PLAGL1: variants seen among roughly 807,000 people sequenced by gnomAD.
PLAGL1 encodes zinc finger protein PLAGL1.
Under a neutral mutation model 4.6 loss-of-function variants are expected in PLAGL1, and 1 was observed. That is an observed-to-expected ratio of 0.22 (90% CI 0.08 to 1.03). The LOEUF (loss-of-function observed/expected upper bound fraction) is 1.03. PLAGL1 is among the 50% of genes least tolerant of loss of function. The pLI, the probability that PLAGL1 is intolerant of heterozygous loss-of-function variation, is 0.58. For synonymous variants in PLAGL1, 240 were observed against 237.8 expected (o/e 1.01, Z -0.08); for missense variants, 464 against 570.4 (o/e 0.81, Z 1.90).
At chr6:144,023,407 C>A (rs1394029292) in intron 1 of PLAGL1, among the ~76,000 whole-genome samples, 1 of 151,984 alleles carries the variant, frequency 6.6e-6, no homozygotes, top group Non-Finnish European at 1.5e-5. Flanking sequence ...GGATGGAATG[C>A]AGACAGCGAC....
At chr6:144,014,619 G>A (rs529205264) in intron 1 of PLAGL1, among the ~76,000 whole-genome samples, 4 of 152,080 alleles carry the variant, frequency 2.6e-5, no homozygotes, top group East Asian at 3.9e-4. Context: ...TGGCTCTGTC[G>A]CCCAGGCTGG....
rs1357018862 is a variant in PLAGL1 at position 143,997,221 on chromosome 6, C to T, written c.-584+10869G>A. The stretch of plus-strand genomic sequence containing the variant: ...ACTCTATTGCTAGCAAAAGTGTACA[C>T]ATATGCATTCAGTTTTGTAAACTGT... On this transcript the variant is annotated intron_variant, in intron 1 of 7. Transcript: ENST00000674357. The surrounding 1 kb of genome is among the most constrained non-coding windows in gnomAD (Gnocchi z 4.6). 1.3e-5 allele frequency among the ~76,000 whole-genome samples: 2 copies of T among 152,180 alleles called. No homozygotes were observed. Among genetic ancestry groups the T allele is most frequent in the South Asian group, 2.1e-4 (1 of 4,830 alleles).
rs1798692505 is a variant in PLAGL1 at position 144,053,032 on chromosome 6, C to T, written c.-151+11436G>A. The stretch of plus-strand genomic sequence containing the variant: ...ATATTTTTTCAGGTTAGCACCAATA[C>T]TTGTAAATGCTTTGATAAACAAGGA... On this transcript the variant is annotated intron_variant, in intron 1 of 3. Transcript: ENST00000437412. The surrounding 1 kb of genome is among the most constrained non-coding windows in gnomAD (Gnocchi z 4.0). Among the ~76,000 whole-genome samples, 1 of 152,162 alleles carries T rather than the reference C, an allele frequency of 6.6e-6. No individual in the cohort carries two copies. The highest frequency in any genetic ancestry group is 1.5e-5 in the Non-Finnish European group (1 of 68,018).
In PLAGL1 at chr6:143,964,029, G is replaced by A. The variant is rs1783921782; in HGVS notation, c.-399+758C>T. Among the ~76,000 whole-genome samples the A allele has an allele frequency of 6.6e-6, 1 of 152,158 alleles. No individual in the cohort carries two copies. On this transcript the variant is annotated intron_variant, in intron 5 of 7. Coordinates refer to ENST00000674357, the MANE Select transcript of PLAGL1 (RefSeq NM_001317162.2). The surrounding 1 kb of genome is among the most constrained non-coding windows in gnomAD (Gnocchi z 4.3). ...TGCTGGACTTCTGGGAGGCGAGAAG[G>A]AGAAGCAGAGGAGAAGCTGCCAAAA...
rs1319822052 is a variant in PLAGL1 at position 143,985,826 on chromosome 6, A to G, written c.-583-652T>C. On this transcript the variant is annotated intron_variant, in intron 1 of 7. Transcript: ENST00000674357. The surrounding 1 kb of genome is among the most constrained non-coding windows in gnomAD (Gnocchi z 4.4). ...TGTTGTCTGCACTCACAGATTCCAT[A>G]TTTTCAATATATTACTAACAAGAAA... Among the ~76,000 whole-genome samples the G allele has an allele frequency of 1.3e-5, 2 of 150,894 alleles. No homozygotes were observed. The highest frequency in any genetic ancestry group is 1.5e-5 in the Non-Finnish European group (1 of 67,790).
chr6:144,035,831 G>T (rs919018606), intron 1 of PLAGL1, among the ~76,000 whole-genome samples: 23 of 151,938 alleles, frequency 1.5e-4, no homozygotes, highest in African/African-American at 5.1e-4. Flanking sequence ...ATCTCATATG[G>T]TTGATGAGAA....
At position 143,985,982 on chromosome 6, in the gene PLAGL1, T is replaced by TATATATATATA. The variant is rs1554263920; in HGVS notation, c.-583-809_-583-808insTATATATATAT. 2.7e-5 allele frequency among the ~76,000 whole-genome samples: 3 copies of TATATATATATA among 111,578 alleles called. No homozygotes were observed. Among genetic ancestry groups the TATATATATATA allele is most frequent in the African/African-American group, 6.9e-5 (2 of 28,908 alleles). The allele number at this position is 111,578 out of a possible 152,430, so 73.2% of individuals were successfully genotyped here. A position where few individuals can be genotyped will look rare whatever the true frequency, so the allele number is the denominator to read the frequency against. On this transcript the variant is annotated intron_variant, in intron 1 of 7. Transcript: ENST00000674357. The surrounding 1 kb of genome is among the most constrained non-coding windows in gnomAD (Gnocchi z 4.4). ...TATATCAAATTATATATATATAAAA[T>TATATATATATA]TATATATATATATATATATATATAT...
At chr6:144,057,100 G>A (rs1200193290) in intron 1 of PLAGL1, among the ~76,000 whole-genome samples, 1 of 152,188 alleles carries the variant, frequency 6.6e-6, no homozygotes, top group Non-Finnish European at 1.5e-5. Flanking sequence ...TCTTGGTGTA[G>A]ACTTCAGTTT....
At position 143,948,186 on chromosome 6, in the gene PLAGL1, T is replaced by C; in HGVS notation, c.-50A>G. ...TTTCAGATGTGCTGACCAAATGCTG[T>C]GCCATTTAAGCACAAACAGAACGAT... On this transcript the variant is annotated 5_prime_UTR_variant, in exon 7 of 8. Transcript: ENST00000674357. The surrounding 1 kb of genome is among the most constrained non-coding windows in gnomAD (Gnocchi z 6.0). 1 of 1,571,080 alleles carries C rather than the reference T, an allele frequency of 6.4e-7. No homozygotes were observed. The highest frequency in any genetic ancestry group is 1.1e-5 in the South Asian group (1 of 89,340).
At chr6:144,035,258 C>G (rs1174227938) in intron 1 of PLAGL1, among the ~76,000 whole-genome samples, 1 of 152,112 alleles carries the variant, frequency 6.6e-6, no homozygotes, top group Non-Finnish European at 1.5e-5. Flanking sequence ...AGTGGTAGAT[C>G]AATCCAAGCA....
chr6:143,977,701 T>C (rs1015791531), intron 2 of PLAGL1, among the ~76,000 whole-genome samples: 32 of 152,044 alleles, frequency 2.1e-4, no homozygotes, highest in Admixed American at 1.1e-3. Flanking sequence ...AGTTTCACCA[T>C]GTTGGCCAGG....
Position 143,989,704 on chromosome 6 carries a change from C to G in PLAGL1, c.-583-4530G>C, listed in dbSNP as rs910531889. On this transcript the variant is annotated intron_variant, in intron 1 of 7. Transcript: ENST00000674357. The surrounding 1 kb of genome is among the most constrained non-coding windows in gnomAD (Gnocchi z 4.8). ...TTGTAATCAATCTCTCTTTCTCTCT[C>G]CATATATGTATCCATGGGTAAACAT... is the stretch of plus-strand genomic sequence containing the variant. 6.6e-6 allele frequency among the ~76,000 whole-genome samples: 1 copy of G among 152,210 alleles called. No homozygotes were observed. Among genetic ancestry groups the G allele is most frequent in the Non-Finnish European group, 1.5e-5 (1 of 68,042 alleles).
intron 1 of PLAGL1, among the ~76,000 whole-genome samples, chr6:143,996,709 A>G (rs1399128753): frequency 6.6e-6 from 1 of 151,514 alleles, no homozygotes; most frequent in Non-Finnish European, 1.5e-5. Context: ...GAACAAGGAT[A>G]TAGAACTTAG....
chr6:144,003,353 G>A (rs1029761860), intron 1 of PLAGL1, among the ~76,000 whole-genome samples: 20 of 152,202 alleles, frequency 1.3e-4, no homozygotes, highest in East Asian at 3.9e-4. Flanking sequence ...GGCTGGGCGC[G>A]GTGGCTCACA....
intron 1 of PLAGL1, among the ~76,000 whole-genome samples, chr6:144,018,698 C>A (rs1242426655): frequency 6.6e-6 from 1 of 152,102 alleles, no homozygotes; most frequent in East Asian, 1.9e-4. Flanking sequence ...ACTCTAACAT[C>A]TAAATTCTCT....
chr6:144,031,003 C>T (rs892738879), intron 1 of PLAGL1, among the ~76,000 whole-genome samples: 9 of 151,616 alleles, frequency 5.9e-5, no homozygotes, highest in African/African-American at 1.2e-4. Flanking sequence ...CCCTTTCCAC[C>T]GCATCCACAC....
chr6:143,943,031 A>ATTTTTTTTTTTTTTTTT lies in PLAGL1; in HGVS notation c.153-385_153-369dup, dbSNP rs61216054. Among the ~76,000 whole-genome samples, 42 of 64,638 alleles carry ATTTTTTTTTTTTTTTTT rather than the reference A, an allele frequency of 6.5e-4. 4 individuals are homozygous for ATTTTTTTTTTTTTTTTT. The highest frequency in any genetic ancestry group is 2.1e-3 in the East Asian group (3 of 1,450). The allele number at this position is 64,638 out of a possible 152,430, so 42.4% of individuals were successfully genotyped here. Reference sequence around the variant, plus strand: ...AGGCACACACCACCAGGCCTGGCTAATTTTTTTTTTTTTTTTTTTGAGACA... The same window carrying ATTTTTTTTTTTTTTTTT: ...AGGCACACACCACCAGGCCTGGCTAATTTTTTTTTTTTTTTTTTTTTTTTTTTTTTTTTTTTGAGACA... On this transcript the variant is annotated intron_variant, in intron 7 of 7. Transcript: ENST00000674357.
At chr6:144,018,715 G>T (rs1344858048) in intron 1 of PLAGL1, among the ~76,000 whole-genome samples, 1 of 152,032 alleles carries the variant, frequency 6.6e-6, no homozygotes, top group African/African-American at 2.4e-5. Context: ...CTCTCTGCAA[G>T]AACTTTAAAA....
rs1783517212 is a variant in PLAGL1, at chr6:143,962,184, G to T, written c.-398-1642C>A. On this transcript the variant is annotated intron_variant, in intron 5 of 7. Coordinates refer to ENST00000674357, the MANE Select transcript of PLAGL1 (RefSeq NM_001317162.2). The surrounding 1 kb of genome is among the most constrained non-coding windows in gnomAD (Gnocchi z 5.3). ...AGAGAGCCCAAGGCAGGCCTGGTCT[G>T]GGGGGAAAATCATGTGCAGTATATG... Among the ~76,000 whole-genome samples, 1 of 152,260 alleles carries T rather than the reference G, an allele frequency of 6.6e-6. No homozygotes were observed.
Sources: gnomAD v4.1 joint callset for allele counts (sites outside exome capture counted in the v4.1 genomes callset) on GRCh38, gnomAD v4.1.1 for gene constraint, Gnocchi (gnomAD v3.1) non-coding constraint, MANE v1.5 for transcripts, NCBI Gene and HGNC (gene_info 2026-07-23, HGNC 2026-07-21) for gene names.